Variants in DEFB123 observed in about 807,000 individuals in gnomAD.
DEFB123 encodes defensin beta 123.
For synonymous variants in DEFB123, 22 were observed against 28.3 expected, an observed-to-expected ratio of 0.78 and a Z score of 0.71; for missense variants, 71 against 75.0, an observed-to-expected ratio of 0.95 and a Z score of 0.20.
chr20:31,448,879 T>C (rs1257094243), intron 1 of DEFB123, among the ~76,000 whole-genome samples: 2 of 23,488 alleles, frequency 8.5e-5, no homozygotes, highest in South Asian at 1.2e-3. Flanking sequence ...GCCCAGCTAA[T>C]TTTTTTTTTT....
intron 1 of DEFB123, among the ~76,000 whole-genome samples, chr20:31,446,954 A>AAC (rs1357094236): frequency 7.0e-6 from 1 of 142,794 alleles, no homozygotes; most frequent in Non-Finnish European, 1.5e-5. Context: ...CTCAAAAAAA[A>AAC]AAAAAACAAA....
intron 1 of DEFB123, among the ~76,000 whole-genome samples, chr20:31,448,008 G>C (rs562562746): frequency 5.5e-4 from 84 of 151,724 alleles, no homozygotes; most frequent in Non-Finnish European, 1.1e-3. Flanking sequence ...GGATGGTCTC[G>C]ATCTCCTGAC....
intron 1 of DEFB123, 151 bp downstream of exon 1, chr20:31,440,907 T>C (rs994827184): frequency 3.5e-6 from 3 of 851,904 alleles, no homozygotes; most frequent in South Asian, 3.1e-5. Flanking sequence ...TGCCAGCTGA[T>C]AGATGACAAC....
intron 1 of DEFB123, among the ~76,000 whole-genome samples, chr20:31,447,130 C>T (rs1467786693): frequency 6.6e-6 from 1 of 151,696 alleles, no homozygotes; most frequent in African/African-American, 2.4e-5. Context: ...GGCGTGGTGG[C>T]GCATGCCTGT....
chr20:31,443,280 G>T (rs1387244894), intron 1 of DEFB123, among the ~76,000 whole-genome samples: 2 of 152,132 alleles, frequency 1.3e-5, no homozygotes, highest in African/African-American at 4.8e-5. Context: ...TGCACTAGGG[G>T]TGTACTCTTG....
intron 1 of DEFB123, 136 bp downstream of exon 1, chr20:31,440,892 G>A: frequency 1.1e-6 from 1 of 951,676 alleles, no homozygotes; most frequent in Non-Finnish European, 1.6e-6. Flanking sequence ...CTCACCAGCA[G>A]CAGGTGCCAG....
At chr20:31,448,032 CACCTTG>C (rs1979634997) in intron 1 of DEFB123, among the ~76,000 whole-genome samples, 1 of 151,922 alleles carries the variant, frequency 6.6e-6, no homozygotes, top group South Asian at 2.1e-4. Flanking sequence ...ATGATCCGCC[CACCTTG>C]GCCTCCCAAA....
intron 1 of DEFB123, among the ~76,000 whole-genome samples, chr20:31,444,700 A>C (rs1301738821): frequency 6.6e-6 from 1 of 152,210 alleles, no homozygotes; most frequent in East Asian, 1.9e-4. Context: ...GTAAACTAAA[A>C]CACAGAATCA....
Position 31,448,599 on chromosome 20 carries a change from A to T in DEFB123, c.59-1430A>T, listed in dbSNP as rs1460162222. Among the ~76,000 whole-genome samples, 4 of 151,872 alleles carry T rather than the reference A, an allele frequency of 2.6e-5. No individual in the cohort carries two copies. The East Asian group carries it at 7.7e-4, about 29-fold the overall frequency. ...GATGATTTCTGTTGCTATGTCTTCA[A>T]GTTCATTTATCTTTTCTTCTTCAGT... On this transcript the variant is annotated intron_variant, in intron 1 of 1. Coordinates refer to ENST00000376309, the MANE Select transcript of DEFB123 (RefSeq NM_153324.4).
chr20:31,440,899 C>G, intron 1 of DEFB123, 143 bp downstream of exon 1: 1 of 905,626 alleles, frequency 1.1e-6, no homozygotes, highest in South Asian at 1.5e-5. Context: ...GCAGCAGGTG[C>G]CAGCTGATAG....
intron 1 of DEFB123, among the ~76,000 whole-genome samples, chr20:31,445,685 G>A (rs537713991): frequency 8.1e-4 from 124 of 152,150 alleles, no homozygotes; most frequent in African/African-American, 2.8e-3. Flanking sequence ...GATTACAGGT[G>A]CACGCCACCA....
At position 31,440,824 on chromosome 20, in the gene DEFB123, G is replaced by T. The variant is rs562941994; in HGVS notation, c.58+68G>T. On this transcript the variant is annotated intron_variant, in intron 1 of 1. Coordinates refer to ENST00000376309, the MANE Select transcript of DEFB123 (RefSeq NM_153324.4). Reference sequence around the variant, plus strand: ...AAGGCCTGGTCAGAGAATCCCAAGGGCTAGAAGGATGGGCTGCAGGTTGTC... The same window carrying T: ...AAGGCCTGGTCAGAGAATCCCAAGGTCTAGAAGGATGGGCTGCAGGTTGTC... 251 of 1,589,584 alleles carry T rather than the reference G, an allele frequency of 1.6e-4. No individual in the cohort carries two copies. The African/African-American group carries it at 2.9e-3, about 18-fold the overall frequency.
intron 1 of DEFB123, among the ~76,000 whole-genome samples, chr20:31,447,076 A>G (rs1979607191): frequency 6.6e-6 from 1 of 152,108 alleles, no homozygotes; most frequent in African/African-American, 2.4e-5. Context: ...CAGCCTGACC[A>G]ACATGGAGAA....
intron 1 of DEFB123, among the ~76,000 whole-genome samples, chr20:31,447,187 G>A (rs937492431): frequency 3.3e-5 from 5 of 151,878 alleles, no homozygotes; most frequent in African/African-American, 9.7e-5. Flanking sequence ...GCTTGAACCC[G>A]GGCGGTGGAG....
intron 1 of DEFB123, among the ~76,000 whole-genome samples, chr20:31,445,599 G>A (rs1979568108): frequency 1.3e-5 from 2 of 152,126 alleles, no homozygotes; most frequent in Admixed American, 6.5e-5. Flanking sequence ...GAGTGCAGTG[G>A]CGTGATCTTG....
intron 1 of DEFB123, 75 bp downstream of exon 1, chr20:31,440,831 G>C: frequency 5.7e-6 from 9 of 1,576,242 alleles, no homozygotes; most frequent in Non-Finnish European, 7.8e-6. Flanking sequence ...AGGGCTAGAA[G>C]GATGGGCTGC....
At chr20:31,441,563 C>T (rs1979464955) in intron 1 of DEFB123, among the ~76,000 whole-genome samples, 1 of 152,022 alleles carries the variant, frequency 6.6e-6, no homozygotes, top group African/African-American at 2.4e-5. Context: ...CCTCAAATGC[C>T]AGGTGAGGGA....
At chr20:31,441,124 G>A (rs139236342) in intron 1 of DEFB123, among the ~76,000 whole-genome samples, 1 of 152,324 alleles carries the variant, frequency 6.6e-6, no homozygotes, top group Non-Finnish European at 1.5e-5. Flanking sequence ...ACCTTAATGG[G>A]AGAGAAAGCT....
chr20:31,446,339 A>C (rs1001464290), intron 1 of DEFB123, among the ~76,000 whole-genome samples: 2 of 152,230 alleles, frequency 1.3e-5, no homozygotes, highest in African/African-American at 2.4e-5. Context: ...GGAAAGTACA[A>C]AATGAGGAGA....
Sources: allele counts gnomAD v4.1 joint callset (sites outside exome capture counted in the v4.1 genomes callset), GRCh38; gene constraint gnomAD v4.1.1; transcripts MANE v1.5; gene names NCBI Gene and HGNC (gene_info 2026-07-23, HGNC 2026-07-21).